The following ANO3 variants were observed in gnomAD, a reference collection of about 807,000 sequenced individuals.
ANO3 encodes the protein anoctamin-3.
Under a neutral mutation model 144.8 loss-of-function variants are expected in ANO3, and 99 were observed. That is an observed-to-expected ratio of 0.68 (90% CI 0.58 to 0.81). The LOEUF (loss-of-function observed/expected upper bound fraction) is 0.81. ANO3 is among the 30% of genes least tolerant of loss of function. The probability of loss-of-function intolerance (pLI) is 0.00; values close to 1 mark genes in which losing one functional copy is unlikely to be tolerated. For synonymous variants in ANO3, 414 were observed against 392.6 expected, an observed-to-expected ratio of 1.05 and a Z score of -0.64; for missense variants, 905 against 1,202.2, an observed-to-expected ratio of 0.75 and a Z score of 3.66.
chr11:26,272,071 A>T (rs187265193), intron 1 of ANO3, among the ~76,000 whole-genome samples: 1 of 152,152 alleles, frequency 6.6e-6, no homozygotes, highest in African/African-American at 2.4e-5. Flanking sequence ...ATGTGATGCT[A>T]ATCGTCTCCC....
intron 14 of ANO3, chr11:26,561,254 C>G (rs200184892): frequency 6.5e-4 from 995 of 1,538,914 alleles, no homozygotes; most frequent in Admixed American, 1.1e-3. Context: ...AATACTGTTT[C>G]ACAGTGATAC....
At chr11:26,327,873 T>TA (rs1854927391), upstream of ANO3, among the ~76,000 whole-genome samples, 1 of 152,204 alleles carries the variant, frequency 6.6e-6, no homozygotes, top group East Asian at 1.9e-4. Flanking sequence ...TTTAATCCTA[T>TA]AGGCAACTTG....
intron 4 of ANO3, among the ~76,000 whole-genome samples, chr11:26,481,210 C>T (rs1166000697): frequency 6.6e-6 from 1 of 152,074 alleles, no homozygotes; most frequent in Non-Finnish European, 1.5e-5. Context: ...CAAAGCTAGC[C>T]TTTACCCACA....
intron 1 of ANO3, among the ~76,000 whole-genome samples, chr11:26,250,440 A>T (rs745782832): frequency 2.6e-5 from 4 of 152,162 alleles, no homozygotes; most frequent in Non-Finnish European, 5.9e-5. Flanking sequence ...CAATGTACAG[A>T]CCACAGTTAA....
chr11:26,370,822 T>C (rs1856232698), intron 1 of ANO3, among the ~76,000 whole-genome samples: 1 of 152,160 alleles, frequency 6.6e-6, no homozygotes, highest in Non-Finnish European at 1.5e-5. Flanking sequence ...CTGTGAAACT[T>C]TTAACTTGAG....
intron 18 of ANO3, among the ~76,000 whole-genome samples, chr11:26,628,471 C>G (rs1298863949): frequency 6.6e-6 from 1 of 152,164 alleles, no homozygotes; most frequent in Non-Finnish European, 1.5e-5. Flanking sequence ...ACCCTAGAAA[C>G]AGCACCTATA....
At position 26,547,443 on chromosome 11, in the gene ANO3, A is replaced by G. The variant is rs1424103295; in HGVS notation, c.1182A>G (p.Leu394=). 1.9e-6 allele frequency: 3 copies of G among 1,611,900 alleles called. No homozygotes were observed. The highest frequency in any genetic ancestry group is 2.2e-5 in the South Asian group (2 of 91,024). Residue 394 remains leucine (L), a synonymous_variant, in exon 12 of 27, where the codon CTA becomes CTG. Transcript: ENST00000256737. ...TATACTTTGGTGAGAAGATTGGACTATACTTTGCTTGGCTGGGATGGTATA... is the reference window on the plus strand; with the variant it reads ...TATACTTTGGTGAGAAGATTGGACTGTACTTTGCTTGGCTGGGATGGTATA... ...IRLYFGEKIG[L]YFAWLGWYTG... is the part of the protein sequence containing the mutation.
At chr11:26,375,332 C>T (rs902462398) in intron 1 of ANO3, among the ~76,000 whole-genome samples, 6 of 152,098 alleles carry the variant, frequency 3.9e-5, no homozygotes, top group African/African-American at 1.2e-4. Context: ...CTCTGCTGCC[C>T]GGTTCCTAAC....
At chr11:26,412,524 G>A (rs1374737184) in intron 1 of ANO3, among the ~76,000 whole-genome samples, 1 of 151,862 alleles carries the variant, frequency 6.6e-6, no homozygotes, top group Admixed American at 6.6e-5. Flanking sequence ...AGTGTGTGAA[G>A]GTATATTTTG....
At chr11:26,651,067 T>A (rs1343347061) in intron 24 of ANO3, among the ~76,000 whole-genome samples, 1 of 152,130 alleles carries the variant, frequency 6.6e-6, no homozygotes, top group Admixed American at 6.6e-5. Context: ...ATTTTTTTTC[T>A]GATAAAAATA....
intron 1 of ANO3, among the ~76,000 whole-genome samples, chr11:26,289,738 G>A (rs1315665344): frequency 1.4e-5 from 2 of 143,556 alleles, no homozygotes; most frequent in African/African-American, 5.1e-5. Context: ...TTCTATATGT[G>A]TATATATATT....
At chr11:26,495,396 A>G (rs2134113901) in intron 4 of ANO3, among the ~76,000 whole-genome samples, 1 of 151,728 alleles carries the variant, frequency 6.6e-6, no homozygotes, top group Admixed American at 6.6e-5. Context: ...GGCATGAGCC[A>G]TGGCACCTGG....
intron 1 of ANO3, among the ~76,000 whole-genome samples, chr11:26,294,147 A>G (rs1167544033): frequency 6.6e-6 from 1 of 152,158 alleles, no homozygotes; most frequent in African/African-American, 2.4e-5. Context: ...GTTGTCCACA[A>G]TTTGGAAATT....
intron 1 of ANO3, among the ~76,000 whole-genome samples, chr11:26,391,406 C>T (rs1055460007): frequency 6.6e-6 from 1 of 152,040 alleles, no homozygotes; most frequent in African/African-American, 2.4e-5. Context: ...CTTAAAGTTC[C>T]TATTTCTTAA....
intron 17 of ANO3, among the ~76,000 whole-genome samples, chr11:26,619,096 G>C: frequency 6.6e-6 from 1 of 152,154 alleles, no homozygotes; most frequent in East Asian, 1.9e-4. Flanking sequence ...CCTCATTTTT[G>C]TATGTCCAAA....
intron 17 of ANO3, among the ~76,000 whole-genome samples, chr11:26,619,796 A>T (rs1002995690): frequency 6.6e-6 from 1 of 152,212 alleles, no homozygotes; most frequent in Non-Finnish European, 1.5e-5. Flanking sequence ...AGTCCTGTTC[A>T]GAATCTCCTT....
intron 1 of ANO3, among the ~76,000 whole-genome samples, chr11:26,338,565 G>A (rs1020747208): frequency 6.6e-6 from 1 of 152,136 alleles, no homozygotes; most frequent in Non-Finnish European, 1.5e-5. Context: ...TGGTGTGGAA[G>A]CTTTGTTCTT....
chr11:26,285,019 C>T (rs1037108475), intron 1 of ANO3, among the ~76,000 whole-genome samples: 1 of 152,170 alleles, frequency 6.6e-6, no homozygotes, highest in Non-Finnish European at 1.5e-5. Flanking sequence ...CAATTTGGAA[C>T]TATTTTGTTA....
At chr11:26,459,950 A>G (rs12277506) in intron 3 of ANO3, 66,051 of 281,864 alleles carry the variant, frequency 0.23, 9,041 homozygotes, top group African/African-American at 0.39. Flanking sequence ...CTTTTAGATT[A>G]TAATTTTAGA....
Sources: gnomAD v4.1 joint callset for allele counts (sites outside exome capture counted in the v4.1 genomes callset) on GRCh38, gnomAD v4.1.1 for gene constraint, MANE v1.5 for transcripts, NCBI Gene and HGNC (gene_info 2026-07-23, HGNC 2026-07-21) for gene names.